Variants in DOCK3 observed in about 807,000 individuals in gnomAD.
The protein encoded by DOCK3 is dedicator of cytokinesis 3.
A neutral mutation model predicts 265.6 loss-of-function variants in DOCK3; 60 were observed. That is an observed-to-expected ratio of 0.23 (90% CI 0.18 to 0.28). The LOEUF (loss-of-function observed/expected upper bound fraction) is 0.28, where lower values mean the gene tolerates loss of function less well. Ranked by LOEUF, DOCK3 falls within the 10% of genes least tolerant of loss-of-function variation. The pLI, the probability that DOCK3 is intolerant of heterozygous loss-of-function variation, is 1.00. For synonymous variants in DOCK3, 881 were observed against 938.0 expected, an observed-to-expected ratio of 0.94 and a Z score of 1.11; for missense variants, 1,981 against 2,594.3, an observed-to-expected ratio of 0.76 and a Z score of 5.14.
Position 51,361,185 on chromosome 3 carries a change from T to C in DOCK3, c.5006+553T>C, listed in dbSNP as rs1172729356. Among the ~76,000 whole-genome samples the C allele has an allele frequency of 6.6e-6, 1 of 152,202 alleles. No individual in the cohort carries two copies. Among genetic ancestry groups the C allele is most frequent in the Non-Finnish European group, 1.5e-5 (1 of 68,042 alleles). On this transcript the variant is annotated intron_variant, in intron 47 of 52. Coordinates refer to ENST00000266037, the MANE Select transcript of DOCK3 (RefSeq NM_004947.5). The surrounding 1 kb of genome is among the most constrained non-coding windows in gnomAD (Gnocchi z 4.2). ...TTTGCCTGGGCTCAACTGAGAATACTGAAAGCCTCTAGGCCAGGAAGGCCA... is the reference window on the plus strand; with the variant it reads ...TTTGCCTGGGCTCAACTGAGAATACCGAAAGCCTCTAGGCCAGGAAGGCCA...
At chr3:51,246,918 C>T (rs2078868799) in intron 22 of DOCK3, 111 bp downstream of exon 22, 3 of 1,056,828 alleles carry the variant, frequency 2.8e-6, no homozygotes, top group South Asian at 3.0e-5. Flanking sequence ...ACCTGGCCTG[C>T]TTTCAGGAAT....
intron 22 of DOCK3, among the ~76,000 whole-genome samples, chr3:51,252,101 C>A (rs2079279529): frequency 6.6e-6 from 1 of 152,172 alleles, no homozygotes; most frequent in Non-Finnish European, 1.5e-5. Context: ...TTTCCCAGCA[C>A]CATTTATTAA....
At chr3:51,059,492 C>T (rs2081332155) in intron 5 of DOCK3, among the ~76,000 whole-genome samples, 1 of 147,350 alleles carries the variant, frequency 6.8e-6, no homozygotes, top group Non-Finnish European at 1.5e-5. Flanking sequence ...CACACACACA[C>T]ACCCCACATC....
chr3:51,148,382 A>G (rs923849513), intron 10 of DOCK3, among the ~76,000 whole-genome samples: 10 of 152,110 alleles, frequency 6.6e-5, no homozygotes, highest in African/African-American at 2.2e-4. Flanking sequence ...TTTTGTTGCC[A>G]TTGCTTTTGG....
At chr3:51,036,683 T>A (rs1004611152) in intron 5 of DOCK3, among the ~76,000 whole-genome samples, 1 of 141,758 alleles carries the variant, frequency 7.1e-6, no homozygotes, top group African/African-American at 2.7e-5. Context: ...ACTAGGTTAA[T>A]TTTTTTTTTT....
intron 12 of DOCK3, among the ~76,000 whole-genome samples, chr3:51,184,019 A>G (rs961468501): frequency 1.3e-5 from 2 of 152,146 alleles, no homozygotes; most frequent in Non-Finnish European, 2.9e-5. Flanking sequence ...CAAACAAACA[A>G]AAAAATACAG....
intron 5 of DOCK3, among the ~76,000 whole-genome samples, chr3:51,041,874 T>G (rs545757628): frequency 7.9e-5 from 12 of 152,178 alleles, no homozygotes; most frequent in Non-Finnish European, 1.5e-4. Flanking sequence ...GCCTTCAACT[T>G]AAAGCCACTG....
chr3:51,021,200 A>T (rs144991379), intron 5 of DOCK3, among the ~76,000 whole-genome samples: 99 of 151,982 alleles, frequency 6.5e-4, no homozygotes, highest in African/African-American at 2.3e-3. Context: ...AACCTAGCAA[A>T]ACAGGCCAAC....
intron 2 of DOCK3, among the ~76,000 whole-genome samples, chr3:50,793,358 C>CTT (rs568370017): frequency 6.9e-5 from 9 of 130,800 alleles, no homozygotes; most frequent in Non-Finnish European, 8.2e-5. Flanking sequence ...TTTTCTTTTT[C>CTT]TTTTTTTTTT....
intron 19 of DOCK3, among the ~76,000 whole-genome samples, chr3:51,234,187 A>G (rs2078256897): frequency 6.6e-6 from 1 of 152,126 alleles, no homozygotes; most frequent in African/African-American, 2.4e-5. Context: ...AGCTCTCCCA[A>G]CTGGGATGAG....
At chr3:51,179,757 A>G (rs1411265435) in intron 12 of DOCK3, among the ~76,000 whole-genome samples, 2 of 151,990 alleles carry the variant, frequency 1.3e-5, no homozygotes, top group Non-Finnish European at 2.9e-5. Flanking sequence ...TACAAAAAAT[A>G]AAAAATTAGC....
intron 5 of DOCK3, among the ~76,000 whole-genome samples, chr3:50,959,568 AT>A (rs1168207810): frequency 8.0e-5 from 12 of 150,202 alleles, no homozygotes; most frequent in Admixed American, 1.3e-4. Flanking sequence ...GTATATATAT[AT>A]AAAATTTATT....
chr3:51,293,955 G>A (rs531154044), intron 27 of DOCK3, among the ~76,000 whole-genome samples: 3 of 152,180 alleles, frequency 2.0e-5, no homozygotes, highest in African/African-American at 7.2e-5. Flanking sequence ...GATAACTGTT[G>A]GTGAGGATAT....
intron 12 of DOCK3, among the ~76,000 whole-genome samples, chr3:51,169,995 A>AC (rs971491961): frequency 6.4e-5 from 9 of 141,258 alleles, no homozygotes; most frequent in African/African-American, 2.9e-4. Flanking sequence ...TCTTTTTTTT[A>AC]TGGGTTTAAT....
intron 9 of DOCK3, among the ~76,000 whole-genome samples, chr3:51,119,822 C>A (rs576909154): frequency 1.3e-5 from 2 of 151,902 alleles, no homozygotes; most frequent in Non-Finnish European, 2.9e-5. Context: ...CAGGTCATTT[C>A]TGTTCTTCTC....
Position 50,691,914 on chromosome 3 carries a change from AG to A in DOCK3, c.37+16615del, listed in dbSNP as rs1401541462. ...GCCCATTTTAAAAGTCAATCTAAAAAGTTTTTTTTTTTTTTTTTTGAGACAG... is the reference window on the plus strand; with the variant it reads ...GCCCATTTTAAAAGTCAATCTAAAAATTTTTTTTTTTTTTTTTTGAGACAG... On this transcript the variant is annotated intron_variant, in intron 1 of 52. Coordinates refer to ENST00000266037, the MANE Select transcript of DOCK3 (RefSeq NM_004947.5). Among the ~76,000 whole-genome samples, 6 of 150,116 alleles carry A rather than the reference AG, an allele frequency of 4.0e-5. 2 individuals are homozygous for A. Among genetic ancestry groups the A allele is most frequent in the African/African-American group, 1.5e-4 (6 of 40,858 alleles).
intron 27 of DOCK3, among the ~76,000 whole-genome samples, chr3:51,290,474 G>A (rs1033589764): frequency 6.6e-5 from 10 of 151,968 alleles, no homozygotes; most frequent in African/African-American, 2.2e-4. Flanking sequence ...TCATAGGTGG[G>A]AATTGAACAA....
At position 51,308,734 on chromosome 3, in the gene DOCK3, T is replaced by C. The variant is rs1283223894; in HGVS notation, c.2923-1498T>C. Among the ~76,000 whole-genome samples the C allele has an allele frequency of 7.2e-5, 11 of 151,956 alleles. No homozygotes were observed. The South Asian group carries it at 8.3e-4, about 11-fold the overall frequency. On this transcript the variant is annotated intron_variant, in intron 27 of 52. Transcript: ENST00000266037. Reference sequence around the variant, plus strand: ...GGCCCGTTCTCAATGAGCTGTTGGGTACACCTCCCAGACGGGGTGGTGGCC... The same window carrying C: ...GGCCCGTTCTCAATGAGCTGTTGGGCACACCTCCCAGACGGGGTGGTGGCC...
chr3:50,705,881 A>G (rs1160169342), intron 1 of DOCK3, among the ~76,000 whole-genome samples: 3 of 152,118 alleles, frequency 2.0e-5, no homozygotes, highest in Non-Finnish European at 2.9e-5. Flanking sequence ...AAATACAAAC[A>G]TTAGCTGGGT....
Sources: gnomAD v4.1 joint callset for allele counts (sites outside exome capture counted in the v4.1 genomes callset) on GRCh38, gnomAD v4.1.1 for gene constraint, Gnocchi (gnomAD v3.1) non-coding constraint, MANE v1.5 for transcripts, NCBI Gene and HGNC (gene_info 2026-07-23, HGNC 2026-07-21) for gene names.